Variants in GPX6 observed in about 807,000 individuals in gnomAD.
GPX6 encodes glutathione peroxidase 6 (olfactory).
In GPX6, 21 loss-of-function variants were observed where a neutral mutation model predicts 20.0. The observed-to-expected ratio is 1.05, with a 90% CI of 0.74 to 1.51. The LOEUF is 1.51. Ranked by LOEUF, GPX6 falls within the 40% of genes most tolerant of loss-of-function variation. The pLI is 0.00. For synonymous variants in GPX6, 75 were observed against 98.0 expected (o/e 0.77, Z 1.38); for missense variants, 233 against 254.7 (o/e 0.91, Z 0.58).
At chr6:28,506,706 A>AACAC (rs56155284) in intron 2 of GPX6, among the ~76,000 whole-genome samples, 10,086 of 145,070 alleles carry the variant, frequency 0.07, 436 homozygotes, top group African/African-American at 0.11. Context: ...TTTTTTTTTA[A>AACAC]ACACACACAC....
intron 2 of GPX6, among the ~76,000 whole-genome samples, chr6:28,508,216 T>C (rs1762825800): frequency 6.6e-6 from 1 of 152,248 alleles, no homozygotes; most frequent in Admixed American, 6.5e-5. Context: ...TCACATTCCA[T>C]GGAACTGCGT....
chr6:28,510,857 G>A lies in GPX6; in HGVS notation c.135C>T (p.Ala45=), dbSNP rs375074401. 6.2e-7 allele frequency: 1 copy of A among 1,613,814 alleles called. No individual in the cohort carries two copies. Among genetic ancestry groups the A allele is most frequent in the Non-Finnish European group, 8.5e-7 (1 of 1,179,898 alleles). Residue 45 remains alanine, a synonymous_variant, in exon 2 of 5, where the codon GCC becomes GCT. Coordinates refer to ENST00000361902, the MANE Select transcript of GPX6 (RefSeq NM_182701.1). ...GVTGTIYEYG[A]LTLNGEEYIQ... ...TGTACTCCTCGCCGTTGAGGGTGAG[G>A]GCTCCATACTCATAGATGGTGCCTG...
chr6:28,511,385 T>G (rs988691783), intron 1 of GPX6, among the ~76,000 whole-genome samples: 4 of 152,194 alleles, frequency 2.6e-5, no homozygotes, highest in African/African-American at 9.6e-5. Flanking sequence ...TTTCCAGGCT[T>G]GCCAATGGGG....
rs34146725 is a variant in GPX6 at position 28,505,282 on chromosome 6, C to A, written c.459+421G>T. The stretch of plus-strand genomic sequence containing the variant: ...CGGGCTGAGTAGACAAAGAGACCCT[C>A]GGGGGTCCTTCTATCCTGGTATTCT... On this transcript the variant is annotated intron_variant, in intron 4 of 4. Coordinates refer to ENST00000361902, the MANE Select transcript of GPX6 (RefSeq NM_182701.1). Among the ~76,000 whole-genome samples the A allele has an allele frequency of 2.4e-4, 37 of 152,280 alleles. No homozygotes were observed. The South Asian group carries it at 6.2e-3, about 26-fold the overall frequency.
intron 2 of GPX6, among the ~76,000 whole-genome samples, chr6:28,507,303 G>C (rs897358585): frequency 6.6e-6 from 1 of 152,134 alleles, no homozygotes; most frequent in Non-Finnish European, 1.5e-5. Context: ...GTGCCTTCCT[G>C]TTTTTCTATA....
intron 1 of GPX6, among the ~76,000 whole-genome samples, chr6:28,514,867 T>C (rs34951544): frequency 0.041 from 6,225 of 152,338 alleles, 189 homozygotes; most frequent in Non-Finnish European, 0.063. Flanking sequence ...AATAAATTCA[T>C]CTGATTTTAA....
At position 28,504,196 on chromosome 6, in the gene GPX6, CGAGTGTG is replaced by C; in HGVS notation, c.*89_*95del. 1 of 1,246,886 alleles carries C rather than the reference CGAGTGTG, an allele frequency of 8.0e-7. No homozygotes were observed. The highest frequency in any genetic ancestry group is 1.2e-6 in the Non-Finnish European group (1 of 868,930). 77.2% of individuals were successfully genotyped at this position (1,246,886 alleles called of 1,614,324 possible). A position where few individuals can be genotyped will look rare whatever the true frequency, so the allele number is the denominator to read the frequency against. ...TGGTCATCAGGAGGCTGGGTAGGCA[CGAGTGTG>C]GAGCAAAGAAGGAGGAAGATGGATG... On this transcript the variant is annotated 3_prime_UTR_variant, in exon 5 of 5. Coordinates refer to ENST00000361902, the MANE Select transcript of GPX6 (RefSeq NM_182701.1).
intron 1 of GPX6, among the ~76,000 whole-genome samples, chr6:28,513,216 A>T (rs1440961257): frequency 1.3e-5 from 2 of 152,178 alleles, no homozygotes; most frequent in Non-Finnish European, 2.9e-5. Context: ...TCGTAAACCA[A>T]GGCAAGATCC....
At chr6:28,512,023 C>T (rs6933732) in intron 1 of GPX6, among the ~76,000 whole-genome samples, 15,756 of 152,272 alleles carry the variant, frequency 0.1, 1,313 homozygotes, top group East Asian at 0.42. Flanking sequence ...GCTGCCACCC[C>T]GCGGGGCAGG....
rs1304875453 is a variant in GPX6 at position 28,504,144 on chromosome 6, C to T, written c.*148G>A. 1 of 637,978 alleles carries T rather than the reference C, an allele frequency of 1.6e-6. No homozygotes were observed. The highest frequency in any genetic ancestry group is 2.8e-6 in the Non-Finnish European group (1 of 362,082). The allele number at this position is 637,978 out of a possible 1,614,324, so 39.5% of individuals were successfully genotyped here. A position where few individuals can be genotyped will look rare whatever the true frequency, so the allele number is the denominator to read the frequency against. ...CACACAGCTACACACACATGCTAAG[C>T]AGGTGCTTGGGTAGTACAGGATGGT... On this transcript the variant is annotated 3_prime_UTR_variant, in exon 5 of 5. Transcript: ENST00000361902.
rs1762853819 is a variant in GPX6, at chr6:28,510,627, G to C, written c.241+124C>G. The C allele has an allele frequency of 5.8e-6, 5 of 861,218 alleles. No individual in the cohort carries two copies. In the Middle Eastern group the frequency reaches 7.3e-4, roughly 126 times the overall value. 53.3% of individuals were successfully genotyped at this position (861,218 alleles called of 1,614,324 possible). ...GCAGAGCAGGAGCAGCATTTAGGGAGGTAGAGTCACCTGATCAGTTCTCCC... is the reference window on the plus strand; with the variant it reads ...GCAGAGCAGGAGCAGCATTTAGGGACGTAGAGTCACCTGATCAGTTCTCCC... On this transcript the variant is annotated intron_variant, in intron 2 of 4. Transcript: ENST00000361902.
intron 4 of GPX6, 27 bp from the exon 5 acceptor site, chr6:28,504,525 A>C (rs746631276): frequency 3.8e-6 from 6 of 1,588,854 alleles, no homozygotes; most frequent in Non-Finnish European, 5.2e-6. Context: ...GAAAGTAGAG[A>C]TATACATTTA....
chr6:28,512,755 T>C (rs939315685), intron 1 of GPX6, among the ~76,000 whole-genome samples: 1 of 152,044 alleles, frequency 6.6e-6, no homozygotes, highest in Non-Finnish European at 1.5e-5. Context: ...ACCGTGAAGG[T>C]CTACAGCTTC....
At chr6:28,513,104 G>A (rs181851976) in intron 1 of GPX6, among the ~76,000 whole-genome samples, 6 of 152,132 alleles carry the variant, frequency 3.9e-5, no homozygotes, top group Non-Finnish European at 2.9e-5. Context: ...CGGGCTCCAG[G>A]GAAAAACCAT....
intron 1 of GPX6, among the ~76,000 whole-genome samples, chr6:28,514,504 G>A (rs1762989044): frequency 1.3e-5 from 2 of 152,170 alleles, no homozygotes; most frequent in South Asian, 2.1e-4. Context: ...TTACCTTTCT[G>A]GAAAGTAAGT....
Position 28,505,865 on chromosome 6 carries a change from C to T in GPX6, c.360-63G>A, listed in dbSNP as rs1002002624. On this transcript the variant is annotated intron_variant, in intron 3 of 4. Coordinates refer to ENST00000361902, the MANE Select transcript of GPX6 (RefSeq NM_182701.1). ...TTAAGACATGGATGGAAAATAATGG[C>T]CACCACCAATTCACTACCACAGGAA... 3 of 1,180,094 alleles carry T rather than the reference C, an allele frequency of 2.5e-6. No homozygotes were observed. The Admixed American group carries it at 5.1e-5, about 20-fold the overall frequency. 73.1% of individuals were successfully genotyped at this position (1,180,094 alleles called of 1,614,324 possible).
At chr6:28,506,536 A>G (rs1394761857) in intron 2 of GPX6, 107 bp from the exon 3 acceptor site, 16 of 710,316 alleles carry the variant, frequency 2.3e-5, no homozygotes, top group Non-Finnish European at 1.8e-5. Flanking sequence ...ACCGAGGACT[A>G]AGAAGGGAAA....
At chr6:28,513,685 C>G (rs551302856) in intron 1 of GPX6, among the ~76,000 whole-genome samples, 48 of 147,978 alleles carry the variant, frequency 3.2e-4, no homozygotes, top group Non-Finnish European at 5.2e-4. Context: ...AAAAGGCTAA[C>G]ATGTTATGTG....
Position 28,512,842 on chromosome 6 carries a change from CACTG to C in GPX6, c.88-1942_88-1939del, listed in dbSNP as rs546755854. Among the ~76,000 whole-genome samples, 358 of 152,140 alleles carry C rather than the reference CACTG, an allele frequency of 2.4e-3. 2 individuals are homozygous for C. The highest frequency in any genetic ancestry group is 6.8e-3 in the African/African-American group (281 of 41,482). ...AGACGCGCTGCCTTAAGAGCTGTAA[CACTG>C]ACCGCGAGGCTTTGCAGCTTCACTC... On this transcript the variant is annotated intron_variant, in intron 1 of 4. Coordinates refer to ENST00000361902, the MANE Select transcript of GPX6 (RefSeq NM_182701.1).
Sources: gnomAD v4.1 joint callset for allele counts (sites outside exome capture counted in the v4.1 genomes callset) on GRCh38, gnomAD v4.1.1 for gene constraint, MANE v1.5 for transcripts, NCBI Gene and HGNC (gene_info 2026-07-23, HGNC 2026-07-21) for gene names.